FBP2: variants seen among roughly 807,000 people sequenced by gnomAD.
The protein encoded by FBP2 is fructose-1,6-bisphosphatase isozyme 2.
Under a neutral mutation model 31.6 loss-of-function variants are expected in FBP2, and 27 were observed. That is an observed-to-expected ratio of 0.85 (90% confidence interval 0.63 to 1.18). FBP2 has a LOEUF of 1.18. Among genes scored for constraint, FBP2 ranks in the 50% most tolerant of loss-of-function variants. The probability of loss-of-function intolerance (pLI) is 0.00; values close to 1 mark genes in which losing one functional copy is unlikely to be tolerated. For synonymous variants in FBP2, 168 were observed against 179.8 expected, an observed-to-expected ratio of 0.93 and a Z score of 0.53; for missense variants, 421 against 436.1, an observed-to-expected ratio of 0.97 and a Z score of 0.31.
intron 3 of FBP2, among the ~76,000 whole-genome samples, chr9:94,576,039 G>A (rs1398519241): frequency 2.0e-5 from 3 of 152,122 alleles, no homozygotes; most frequent in Admixed American, 2.0e-4. Flanking sequence ...CTTCTTAGAA[G>A]TTCCAGGAGG....
At chr9:94,570,382 ACT>A (rs1407882777) in intron 4 of FBP2, 3 of 152,064 alleles carry the variant, frequency 2.0e-5, no homozygotes, top group Admixed American at 6.6e-5. Context: ...CAAGTTACTC[ACT>A]CTCTCTACGC....
intron 6 of FBP2, among the ~76,000 whole-genome samples, 199 bp downstream of exon 6, chr9:94,563,143 G>A (rs547577131): frequency 2.0e-5 from 3 of 152,182 alleles, no homozygotes; most frequent in African/African-American, 4.8e-5. Flanking sequence ...GTCACATAAC[G>A]TCAGCCTGTC....
At chr9:94,571,776 A>G (rs1309425831) in intron 3 of FBP2, among the ~76,000 whole-genome samples, 174 bp from the exon 4 acceptor site, 1 of 152,248 alleles carries the variant, frequency 6.6e-6, no homozygotes. Flanking sequence ...CAACAGTTCT[A>G]GCTGAGCCAT....
chr9:94,559,116 T>C lies in FBP2; in HGVS notation c.842A>G (p.Glu281Gly). The change falls in exon 7 of 7, where the codon GAA (glutamate) becomes GGA (glycine). Residue 281 changes from glutamate to glycine, a missense_variant. Physicochemically the swap from Glu to Gly is moderately conservative, Grantham distance 98 (BLOSUM62 -2). Coordinates refer to ENST00000375337, the MANE Select transcript of FBP2 (RefSeq NM_003837.4). ...SPKGKLRLLY[E>G]CNPVAYIIEQ... The stretch of plus-strand genomic sequence containing the variant: ...AATGATGTAGGCCACGGGATTGCAT[T>C]CATACAGGAGCCGGAGCTGTGGAGG... 1 of 1,612,096 alleles carries C rather than the reference T, an allele frequency of 6.2e-7. No individual in the cohort carries two copies. Among genetic ancestry groups the C allele is most frequent in the African/African-American group, 1.3e-5 (1 of 74,988 alleles).
intron 6 of FBP2, 84 bp downstream of exon 6, chr9:94,563,258 C>T (rs1827135666): frequency 1.4e-6 from 2 of 1,477,608 alleles, no homozygotes; most frequent in East Asian, 2.4e-5. Flanking sequence ...TGAAGCAGTG[C>T]AGTAGCCAAA....
chr9:94,575,055 G>T (rs1347488978), intron 3 of FBP2, among the ~76,000 whole-genome samples: 2 of 152,098 alleles, frequency 1.3e-5, no homozygotes, highest in Non-Finnish European at 2.9e-5. Context: ...CATGTATTTG[G>T]TGGTAGAAAT....
At chr9:94,591,293 G>T (rs571068885) in intron 1 of FBP2, among the ~76,000 whole-genome samples, 3 of 152,360 alleles carry the variant, frequency 2.0e-5, no homozygotes, top group South Asian at 4.1e-4. Flanking sequence ...TGCCCCGCGG[G>T]AAGGCACCTA....
chr9:94,592,254 A>C (rs1231228851), intron 1 of FBP2, among the ~76,000 whole-genome samples: 1 of 152,226 alleles, frequency 6.6e-6, no homozygotes, highest in African/African-American at 2.4e-5. Context: ...GGAAAAAAGC[A>C]AGGATAATGC....
At chr9:94,567,557 T>G in intron 4 of FBP2, 150 bp from the exon 5 acceptor site, 1 of 819,010 alleles carries the variant, frequency 1.2e-6, no homozygotes, top group Non-Finnish European at 1.9e-6. Context: ...CTTTGGTGTT[T>G]TCATGAGTGG....
At chr9:94,560,039 C>G (rs1181217711) in intron 6 of FBP2, among the ~76,000 whole-genome samples, 1 of 152,190 alleles carries the variant, frequency 6.6e-6, no homozygotes, top group East Asian at 1.9e-4. Flanking sequence ...GTGGGAGGAT[C>G]AACTGAGCCC....
intron 3 of FBP2, chr9:94,577,536 G>A (rs180803151): frequency 2.0e-5 from 3 of 152,270 alleles, no homozygotes; most frequent in Non-Finnish European, 4.4e-5. Context: ...TAAATCTGCT[G>A]TTATTAAACT....
intron 3 of FBP2, among the ~76,000 whole-genome samples, chr9:94,578,870 G>A (rs191664692): frequency 1.1e-4 from 16 of 151,380 alleles, no homozygotes; most frequent in Middle Eastern, 6.8e-3. Flanking sequence ...TGGCTAACAC[G>A]GTGAAACCCA....
At chr9:94,591,297 G>A (rs1827499379) in intron 1 of FBP2, among the ~76,000 whole-genome samples, 1 of 152,242 alleles carries the variant, frequency 6.6e-6, no homozygotes, top group South Asian at 2.1e-4. Flanking sequence ...CCGCGGGAAG[G>A]CACCTAAGGC....
At chr9:94,575,990 G>A (rs1218211883) in intron 3 of FBP2, among the ~76,000 whole-genome samples, 1 of 152,064 alleles carries the variant, frequency 6.6e-6, no homozygotes, top group Non-Finnish European at 1.5e-5. Context: ...TATACTCCCT[G>A]CACATTTAGC....
chr9:94,566,588 G>C (rs1827193196), intron 5 of FBP2, among the ~76,000 whole-genome samples: 2 of 152,156 alleles, frequency 1.3e-5, no homozygotes, highest in African/African-American at 4.8e-5. Flanking sequence ...AACTCTGAAG[G>C]CTGTGATTTC....
At chr9:94,589,114 T>C (rs994924903) in intron 1 of FBP2, among the ~76,000 whole-genome samples, 31 of 151,624 alleles carry the variant, frequency 2.0e-4, no homozygotes, top group African/African-American at 7.1e-4. Context: ...TTATTGTCTG[T>C]GAGCTTCCAC....
intron 1 of FBP2, among the ~76,000 whole-genome samples, chr9:94,592,356 C>T (rs2131463687): frequency 6.6e-6 from 1 of 152,310 alleles, no homozygotes; most frequent in Middle Eastern, 3.4e-3. Flanking sequence ...TAATCTAATG[C>T]TATCACTTTT....
chr9:94,577,427 TACA>T (rs2131454018), intron 3 of FBP2: 1 of 152,364 alleles, frequency 6.6e-6, no homozygotes, highest in Admixed American at 6.5e-5. Context: ...ATGGGCAAAT[TACA>T]ACAAGAAAAA....
chr9:94,560,347 T>C (rs1827078238), intron 6 of FBP2, among the ~76,000 whole-genome samples: 1 of 152,176 alleles, frequency 6.6e-6, no homozygotes, highest in African/African-American at 2.4e-5. Flanking sequence ...TGAATTGAAA[T>C]GAATGGGGTT....
Sources: gnomAD v4.1 joint callset for allele counts (sites outside exome capture counted in the v4.1 genomes callset) on GRCh38, gnomAD v4.1.1 for gene constraint, MANE v1.5 for transcripts, NCBI Gene and HGNC (gene_info 2026-07-23, HGNC 2026-07-21) for gene names.